The following CNTN6 variants were observed in gnomAD, a reference collection of about 807,000 sequenced individuals.
CNTN6 encodes the protein contactin 6, also known as contactin-6.
CNTN6 carries 137 observed loss-of-function variants against 122.8 expected under a neutral mutation model. The observed-to-expected ratio is 1.12, with a 90% CI of 0.97 to 1.29. The LOEUF is 1.29. Among genes scored for constraint, CNTN6 ranks in the 50% most tolerant of loss-of-function variants. The probability of loss-of-function intolerance (pLI) is 0.00; values close to 1 mark genes in which losing one functional copy is unlikely to be tolerated. For synonymous variants in CNTN6, 570 were observed against 426.0 expected, an observed-to-expected ratio of 1.34 and a Z score of -4.16; for missense variants, 1,634 against 1,223.4, an observed-to-expected ratio of 1.34 and a Z score of -5.01.
intron 2 of CNTN6, among the ~76,000 whole-genome samples, chr3:1,206,970 A>G (rs1321798275): frequency 1.3e-5 from 2 of 152,142 alleles, no homozygotes; most frequent in Non-Finnish European, 2.9e-5. Flanking sequence ...CTGTGTCTTC[A>G]GGATGGGTTT....
At chr3:1,168,823 G>T (rs2125283542) in intron 2 of CNTN6, among the ~76,000 whole-genome samples, 1 of 152,256 alleles carries the variant, frequency 6.6e-6, no homozygotes, top group Admixed American at 6.5e-5. Context: ...CAAAAAAAGG[G>T]ACATTCTAGA....
In CNTN6 at chr3:1,403,713, T is replaced by A. The variant is rs991185914; in HGVS notation, c.*295T>A. The A allele has an allele frequency of 5.4e-6, 1 of 186,858 alleles. No homozygotes were observed. The highest frequency in any genetic ancestry group is 2.3e-5 in the African/African-American group (1 of 42,726). 11.6% of individuals were successfully genotyped at this position (186,858 alleles called of 1,614,324 possible). On this transcript the variant is annotated 3_prime_UTR_variant, in exon 23 of 23. Transcript: ENST00000446702. ...ATATGGAGAAAATAAATAACTCCCC[T>A]CAATGATGCTGATGATGAATACAAA...
chr3:1,345,075 G>A (rs1224640876), intron 11 of CNTN6, among the ~76,000 whole-genome samples: 2 of 151,802 alleles, frequency 1.3e-5, no homozygotes, highest in African/African-American at 4.8e-5. Flanking sequence ...TGCCTGGACA[G>A]GGGTATCAGA....
chr3:1,360,088 A>G (rs1372446717), intron 12 of CNTN6, among the ~76,000 whole-genome samples: 2 of 152,010 alleles, frequency 1.3e-5, no homozygotes, highest in Non-Finnish European at 2.9e-5. Flanking sequence ...AATCCAAGAG[A>G]TATACAATTT....
At chr3:1,283,775 A>G (rs972286393) in intron 5 of CNTN6, among the ~76,000 whole-genome samples, 22 of 152,144 alleles carry the variant, frequency 1.4e-4, no homozygotes, top group Admixed American at 1.2e-3. Context: ...CAAGGTGGGC[A>G]GATCACCTGA....
At position 1,300,493 on chromosome 3, in the gene CNTN6, A is replaced by AAGGAAGGAAGGAAGGG. The variant is rs1233689441; in HGVS notation, c.761+2503_761+2504insGGAAGGAAGGAAGGGA. On this transcript the variant is annotated intron_variant, in intron 7 of 22. Coordinates refer to ENST00000446702, the MANE Select transcript of CNTN6 (RefSeq NM_001289080.2). ...GAAGGAAGGAAGGAAGGAAGGAAGG[A>AAGGAAGGAAGGAAGGG]AAAAGAAAAGAAAGAGAAAGAAAGA... Among the ~76,000 whole-genome samples, 1,068 of 119,540 alleles carry AAGGAAGGAAGGAAGGG rather than the reference A, an allele frequency of 8.9e-3. 17 individuals carry two copies. Among genetic ancestry groups the AAGGAAGGAAGGAAGGG allele is most frequent in the South Asian group, 0.016 (69 of 4,414 alleles). 78.4% of individuals were successfully genotyped at this position (119,540 alleles called of 152,430 possible). A position where few individuals can be genotyped will look rare whatever the true frequency, so the allele number is the denominator to read the frequency against.
intron 21 of CNTN6, among the ~76,000 whole-genome samples, 198 bp from the exon 22 acceptor site, chr3:1,402,120 C>G (rs1695787740): frequency 7.0e-6 from 1 of 142,500 alleles, no homozygotes; most frequent in South Asian, 2.2e-4. Context: ...CTTCCAGAGG[C>G]ATTGGCCAAA....
intron 3 of CNTN6, among the ~76,000 whole-genome samples, chr3:1,224,614 C>T (rs2094254302): frequency 6.6e-6 from 1 of 152,040 alleles, no homozygotes; most frequent in South Asian, 2.1e-4. Context: ...AGCAAATATA[C>T]CATGTAATTC....
chr3:1,294,519 T>G (rs903108971), intron 5 of CNTN6, among the ~76,000 whole-genome samples: 1 of 152,150 alleles, frequency 6.6e-6, no homozygotes, highest in African/African-American at 2.4e-5. Flanking sequence ...GGGTATATAA[T>G]GGTCACAAGT....
chr3:1,348,661 A>G (rs139720986), intron 11 of CNTN6, among the ~76,000 whole-genome samples: 2 of 152,154 alleles, frequency 1.3e-5, no homozygotes, highest in East Asian at 1.9e-4. Context: ...TTAGTAAACT[A>G]TATTTTGGAA....
intron 7 of CNTN6, among the ~76,000 whole-genome samples, chr3:1,319,166 A>G (rs1700507964): frequency 6.6e-6 from 1 of 151,654 alleles, no homozygotes; most frequent in African/African-American, 2.4e-5. Flanking sequence ...CTTCAAGGGA[A>G]TGATCTAATT....
chr3:1,234,116 G>A (rs955230602), intron 4 of CNTN6, among the ~76,000 whole-genome samples: 1 of 152,074 alleles, frequency 6.6e-6, no homozygotes, highest in African/African-American at 2.4e-5. Context: ...ACATTAAAAG[G>A]CAGGACAACT....
At chr3:1,295,546 A>T in intron 5 of CNTN6, 55 bp from the exon 6 acceptor site, 1 of 1,445,580 alleles carries the variant, frequency 6.9e-7, no homozygotes, top group Non-Finnish European at 9.6e-7. Flanking sequence ...ATATGAATGA[A>T]TGCAGTAAGG....
intron 2 of CNTN6, among the ~76,000 whole-genome samples, chr3:1,161,476 A>T (rs930727138): frequency 7.9e-5 from 12 of 151,412 alleles, no homozygotes; most frequent in African/African-American, 2.7e-4. Context: ...TATTATTTTT[A>T]ATTGTGGGCT....
chr3:1,377,224 G>GA (rs1710004001), intron 17 of CNTN6, 149 bp downstream of exon 17: 1 of 527,834 alleles, frequency 1.9e-6, no homozygotes, highest in South Asian at 3.5e-5. Context: ...GAATTATTTA[G>GA]AGGAGGTATT....
intron 4 of CNTN6, among the ~76,000 whole-genome samples, chr3:1,243,278 C>T (rs1207603715): frequency 6.6e-6 from 1 of 152,116 alleles, no homozygotes; most frequent in Admixed American, 6.5e-5. Flanking sequence ...GTAGCAAGCT[C>T]CTGGGGAAGG....
chr3:1,403,274 T>C lies in CNTN6; in HGVS notation c.2987-44T>C, dbSNP rs1379878238. On this transcript the variant is annotated intron_variant, in intron 22 of 22. Coordinates refer to ENST00000446702, the MANE Select transcript of CNTN6 (RefSeq NM_001289080.2). ...TTTGAAAAATTAATCTAACAGGCAA[T>C]ACTTTATCTCAAAATATTTTTGTCT... 6.1e-6 allele frequency: 8 copies of C among 1,314,674 alleles called. No individual in the cohort carries two copies. In the East Asian group the frequency reaches 1.4e-4, roughly 23 times the overall value. 81.4% of individuals were successfully genotyped at this position (1,314,674 alleles called of 1,614,324 possible). A position where few individuals can be genotyped will look rare whatever the true frequency, so the allele number is the denominator to read the frequency against.
chr3:1,296,822 C>A (rs538442870), intron 6 of CNTN6, among the ~76,000 whole-genome samples: 35 of 152,244 alleles, frequency 2.3e-4, no homozygotes, highest in African/African-American at 8.2e-4. Context: ...CATGAGCCAA[C>A]AATATACTTG....
At chr3:1,182,570 G>A (rs1032156934) in intron 2 of CNTN6, among the ~76,000 whole-genome samples, 12 of 145,002 alleles carry the variant, frequency 8.3e-5, no homozygotes, top group Admixed American at 2.8e-4. Context: ...TAAGAAAAAG[G>A]CAATCATTTG....
Sources: gnomAD v4.1 joint callset for allele counts (sites outside exome capture counted in the v4.1 genomes callset) on GRCh38, gnomAD v4.1.1 for gene constraint, MANE v1.5 for transcripts, NCBI Gene and HGNC (gene_info 2026-07-23, HGNC 2026-07-21) for gene names.